Variants in ACMSD observed in about 807,000 individuals in gnomAD.
ACMSD encodes aminocarboxymuconate semialdehyde decarboxylase.
ACMSD carries 37 observed loss-of-function variants against 45.9 expected under a neutral mutation model. The ratio of observed to expected loss-of-function variants is 0.81; its 90% CI spans 0.62 to 1.06. The LOEUF (loss-of-function observed/expected upper bound fraction) is 1.06, where lower values mean the gene tolerates loss of function less well. Among genes scored for constraint, ACMSD ranks in the 50% least tolerant of loss-of-function variants. ACMSD has a pLI of 0.00. For synonymous variants in ACMSD, 138 were observed against 148.8 expected (o/e 0.93, Z 0.53); for missense variants, 434 against 420.9 (o/e 1.03, Z -0.27).
intron 8 of ACMSD, among the ~76,000 whole-genome samples, chr2:134,887,827 TG>T (rs1689549163): frequency 6.6e-6 from 1 of 152,114 alleles, no homozygotes; most frequent in Non-Finnish European, 1.5e-5. Flanking sequence ...GGGGGGGAAA[TG>T]AACCCTGACC....
intron 8 of ACMSD, among the ~76,000 whole-genome samples, chr2:134,886,820 A>G (rs887010736): frequency 6.6e-6 from 1 of 152,196 alleles, no homozygotes; most frequent in Non-Finnish European, 1.5e-5. Flanking sequence ...AGATGACATG[A>G]CATAATTGTT....
At chr2:134,854,595 G>A (rs1034739005) in intron 2 of ACMSD, among the ~76,000 whole-genome samples, 2 of 152,170 alleles carry the variant, frequency 1.3e-5, no homozygotes, top group Admixed American at 1.3e-4. Flanking sequence ...TCCTCACATT[G>A]CTCACTTCCA....
chr2:134,890,983 G>A (rs1323054900), intron 8 of ACMSD, among the ~76,000 whole-genome samples: 1 of 151,894 alleles, frequency 6.6e-6, no homozygotes, highest in Non-Finnish European at 1.5e-5. Flanking sequence ...GGTTATTTGT[G>A]TGGTGTTTTT....
intron 8 of ACMSD, among the ~76,000 whole-genome samples, chr2:134,890,629 C>CT (rs957973677): frequency 4.6e-5 from 7 of 151,796 alleles, no homozygotes; most frequent in African/African-American, 1.7e-4. Context: ...AAAAGTATCC[C>CT]TTTTTTTAGG....
intron 6 of ACMSD, 168 bp downstream of exon 6, chr2:134,867,840 T>C (rs776959829): frequency 2.5e-6 from 1 of 406,502 alleles, no homozygotes; most frequent in Non-Finnish European, 4.4e-6. Context: ...TATATATATA[T>C]ATATAACCTC....
rs1688408484 is a variant in ACMSD at position 134,871,034 on chromosome 2, A to T, written c.650A>T (p.Lys217Ile). Residue 217 changes from lysine to isoleucine, a missense_variant, in exon 7 of 10, where the codon AAA becomes ATA. Lys to Ile is a moderately radical substitution (Grantham distance 102). Coordinates refer to ENST00000356140, the MANE Select transcript of ACMSD (RefSeq NM_138326.3). ...GGTGGAGTATTTGAGAAGTTTCCCA[A>T]ACTGAAAGTGTGTTTCGCACATGGT... ...IMGGVFEKFP[K>I]LKVCFAHGGG... The T allele has an allele frequency of 6.2e-7, 1 of 1,614,114 alleles. No homozygotes were observed.
intron 8 of ACMSD, among the ~76,000 whole-genome samples, chr2:134,886,015 G>C (rs1451161437): frequency 2.0e-5 from 3 of 152,020 alleles, no homozygotes; most frequent in Non-Finnish European, 1.5e-5. Flanking sequence ...GAAAACTATT[G>C]ACAGGGTTTA....
intron 8 of ACMSD, among the ~76,000 whole-genome samples, chr2:134,892,997 A>C (rs1689885778): frequency 6.6e-6 from 1 of 152,176 alleles, no homozygotes; most frequent in Non-Finnish European, 1.5e-5. Flanking sequence ...ATGACAGAGA[A>C]GAAGTAAGTA....
At chr2:134,875,475 T>C (rs959862821) in intron 8 of ACMSD, among the ~76,000 whole-genome samples, 6 of 152,166 alleles carry the variant, frequency 3.9e-5, no homozygotes, top group Non-Finnish European at 2.9e-5. Context: ...TCTAAAACCC[T>C]GTGCTATTTG....
At chr2:134,872,792 C>A in intron 8 of ACMSD, 151 bp downstream of exon 8, 1 of 870,582 alleles carries the variant, frequency 1.1e-6, no homozygotes, top group Non-Finnish European at 1.8e-6. Flanking sequence ...ATTAGGTTTG[C>A]TCACACAGGG....
intron 8 of ACMSD, among the ~76,000 whole-genome samples, chr2:134,885,396 A>G (rs1261793020): frequency 1.9e-5 from 2 of 105,394 alleles, no homozygotes; most frequent in Admixed American, 1.4e-4. Context: ...GTAAATATAT[A>G]TATTTATATA....
intron 8 of ACMSD, among the ~76,000 whole-genome samples, chr2:134,892,626 A>C (rs1341631283): frequency 6.6e-6 from 1 of 152,092 alleles, no homozygotes; most frequent in African/African-American, 2.4e-5. Flanking sequence ...AACTAAATCC[A>C]TCTGGAAGCC....
At chr2:134,876,519 G>A (rs1688740541) in intron 8 of ACMSD, among the ~76,000 whole-genome samples, 1 of 152,150 alleles carries the variant, frequency 6.6e-6, no homozygotes. Context: ...CATCGTCACT[G>A]TCTTTCACCT....
At chr2:134,842,756 CCTCT>C (rs1464750336) in intron 1 of ACMSD, among the ~76,000 whole-genome samples, 1 of 152,204 alleles carries the variant, frequency 6.6e-6, no homozygotes, top group African/African-American at 2.4e-5. Flanking sequence ...CCCCACCACT[CCTCT>C]TAGCCTCATT....
chr2:134,867,485 A>G, intron 5 of ACMSD, 94 bp from the exon 6 acceptor site: 1 of 911,076 alleles, frequency 1.1e-6, no homozygotes, highest in Non-Finnish European at 1.8e-6. Flanking sequence ...AGACCAATAT[A>G]GACTCAGAGA....
In ACMSD at chr2:134,872,025, C is replaced by T. The variant is rs374878792; in HGVS notation, c.677-444C>T. 1.2e-3 allele frequency among the ~76,000 whole-genome samples: 179 copies of T among 150,130 alleles called. 5 individuals are homozygous for T. The Middle Eastern group carries it at 0.042, about 35-fold the overall frequency. ...AGGCTGGAGTGCAGTGGTGCAATCT[C>T]GGCTCACTGCACCCTCCACCTCCCA... On this transcript the variant is annotated intron_variant, in intron 7 of 9. Transcript: ENST00000356140.
chr2:134,867,443 A>G, intron 5 of ACMSD, 136 bp from the exon 6 acceptor site: 2 of 596,090 alleles, frequency 3.4e-6, no homozygotes, highest in Non-Finnish European at 5.9e-6. Flanking sequence ...AGATCATAAA[A>G]CAACTTAAAA....
At chr2:134,867,978 G>A (rs1688193890) in intron 6 of ACMSD, among the ~76,000 whole-genome samples, 2 of 152,130 alleles carry the variant, frequency 1.3e-5, no homozygotes, top group South Asian at 4.1e-4. Context: ...AGGTGTCCAG[G>A]TCACACAGTT....
chr2:134,862,546 T>C (rs1035188676), intron 4 of ACMSD, among the ~76,000 whole-genome samples: 1 of 152,186 alleles, frequency 6.6e-6, no homozygotes, highest in Non-Finnish European at 1.5e-5. Flanking sequence ...TAGCCGGGAA[T>C]GTGCTAGTCC....
Sources: gnomAD v4.1 joint callset for allele counts (sites outside exome capture counted in the v4.1 genomes callset) on GRCh38, gnomAD v4.1.1 for gene constraint, MANE v1.5 for transcripts, NCBI Gene and HGNC (gene_info 2026-07-23, HGNC 2026-07-21) for gene names.